The following GRID1 variants were observed in gnomAD, a reference collection of about 807,000 sequenced individuals.
The protein encoded by GRID1 is glutamate ionotropic receptor delta type subunit 1, also known as glutamate receptor ionotropic, delta-1.
GRID1 carries 28 observed loss-of-function variants against 98.0 expected under a neutral mutation model. That is an observed-to-expected ratio of 0.29 (90% CI 0.21 to 0.39). GRID1 has a LOEUF of 0.39. Among genes scored for constraint, GRID1 ranks in the 10% least tolerant of loss-of-function variants. The pLI is 1.00. For missense variants in GRID1, 1,111 were observed against 1,340.5 expected, an observed-to-expected ratio of 0.83 and a Z score of 2.67; for synonymous variants, 553 against 538.5, an observed-to-expected ratio of 1.03 and a Z score of -0.37.
chr10:85,618,946 A>G (rs1220211203), intron 14 of GRID1, among the ~76,000 whole-genome samples: 1 of 152,166 alleles, frequency 6.6e-6, no homozygotes, highest in Non-Finnish European at 1.5e-5. Context: ...TTAGTACTGA[A>G]ATTCATGCAT....
Position 85,856,009 on chromosome 10 carries a change from G to A in GRID1, c.1113+20C>T. 1.2e-6 allele frequency: 2 copies of A among 1,611,046 alleles called. No individual in the cohort carries two copies. Among genetic ancestry groups the A allele is most frequent in the Non-Finnish European group, 1.7e-6 (2 of 1,178,588 alleles). On this transcript the variant is annotated intron_variant, in intron 7 of 15. Transcript: ENST00000327946. ...AGGGGCCTGTCTTTGGCCAGGTTGG[G>A]GGTGCCCCCTCACACGTACCTTTTT...
At chr10:85,786,009 A>G (rs1157471603) in intron 8 of GRID1, among the ~76,000 whole-genome samples, 1 of 152,050 alleles carries the variant, frequency 6.6e-6, no homozygotes, top group Non-Finnish European at 1.5e-5. Context: ...CACATACTAT[A>G]CACATACACA....
At chr10:85,876,755 T>C (rs1843336292) in intron 5 of GRID1, among the ~76,000 whole-genome samples, 1 of 152,070 alleles carries the variant, frequency 6.6e-6, no homozygotes, top group Admixed American at 6.5e-5. Flanking sequence ...AGACAGTGGG[T>C]GCAGGACAGT....
At chr10:85,716,166 C>T (rs1841636809) in intron 12 of GRID1, among the ~76,000 whole-genome samples, 1 of 152,160 alleles carries the variant, frequency 6.6e-6, no homozygotes, top group Non-Finnish European at 1.5e-5. Flanking sequence ...CTCAGCCTCC[C>T]AAAGTGCTCG....
At chr10:86,313,979 T>A (rs2132090357) in intron 2 of GRID1, among the ~76,000 whole-genome samples, 1 of 152,364 alleles carries the variant, frequency 6.6e-6, no homozygotes, top group Non-Finnish European at 1.5e-5. Flanking sequence ...GGCTTCCTGC[T>A]AATCTAACCA....
intron 3 of GRID1, among the ~76,000 whole-genome samples, chr10:86,140,850 C>A (rs1589385594): frequency 6.6e-6 from 1 of 152,198 alleles, no homozygotes; most frequent in East Asian, 1.9e-4. Context: ...CTGCTTGTGT[C>A]TCAGGAGCCT....
intron 2 of GRID1, among the ~76,000 whole-genome samples, chr10:86,308,820 G>C (rs1024217433): frequency 5.3e-5 from 8 of 152,110 alleles, no homozygotes; most frequent in Non-Finnish European, 1.2e-4. Context: ...GAGAGCACGA[G>C]AGGGCCTACC....
At chr10:86,321,091 C>A (rs550844805) in intron 2 of GRID1, among the ~76,000 whole-genome samples, 1 of 135,382 alleles carries the variant, frequency 7.4e-6, no homozygotes, top group African/African-American at 2.8e-5. Flanking sequence ...CAGAGTGAGA[C>A]TCCATCTCAA....
intron 4 of GRID1, among the ~76,000 whole-genome samples, chr10:86,019,192 A>T (rs1843017479): frequency 6.6e-6 from 1 of 152,130 alleles, no homozygotes; most frequent in Non-Finnish European, 1.5e-5. Flanking sequence ...ACACAACCAG[A>T]CCAGTTTGGC....
chr10:85,632,813 CA>C (rs1842990749), intron 13 of GRID1, among the ~76,000 whole-genome samples: 1 of 152,214 alleles, frequency 6.6e-6, no homozygotes, highest in Non-Finnish European at 1.5e-5. Flanking sequence ...TGGTTTGCCA[CA>C]CCTATCAACC....
At chr10:86,028,300 A>G (rs1843142077) in intron 4 of GRID1, among the ~76,000 whole-genome samples, 1 of 152,106 alleles carries the variant, frequency 6.6e-6, no homozygotes, top group South Asian at 2.1e-4. Flanking sequence ...TTTGGGGGCA[A>G]CTCTACCCCT....
At chr10:86,110,872 C>A (rs1431913033) in intron 4 of GRID1, among the ~76,000 whole-genome samples, 3 of 152,220 alleles carry the variant, frequency 2.0e-5, no homozygotes, top group Non-Finnish European at 4.4e-5. Context: ...ATTCAGTAAA[C>A]AATTCTAAGA....
At chr10:86,348,013 TC>T (rs1398819465) in intron 2 of GRID1, among the ~76,000 whole-genome samples, 1 of 151,778 alleles carries the variant, frequency 6.6e-6, no homozygotes, top group African/African-American at 2.4e-5. Context: ...CTAGACAGGC[TC>T]CCCCAGGAAG....
chr10:86,037,800 G>A (rs181870063), intron 4 of GRID1, among the ~76,000 whole-genome samples: 89 of 152,206 alleles, frequency 5.8e-4, no homozygotes, highest in African/African-American at 2.0e-3. Flanking sequence ...TCGGGTGGGC[G>A]TGGGAAGCCC....
At chr10:86,168,330 C>A (rs182155227) in intron 3 of GRID1, among the ~76,000 whole-genome samples, 97 of 152,302 alleles carry the variant, frequency 6.4e-4, no homozygotes, top group Admixed American at 2.4e-3. Flanking sequence ...GTGTGTGGAG[C>A]CGAGGAGACA....
At chr10:85,782,228 G>GCACA (rs147841741) in intron 8 of GRID1, among the ~76,000 whole-genome samples, 4 of 149,540 alleles carry the variant, frequency 2.7e-5, no homozygotes, top group Non-Finnish European at 6.0e-5. Context: ...GAGTGCACAT[G>GCACA]CACACACACA....
intron 12 of GRID1, among the ~76,000 whole-genome samples, chr10:85,717,190 C>T (rs1264574632): frequency 1.3e-5 from 2 of 152,116 alleles, no homozygotes; most frequent in African/African-American, 2.4e-5. Flanking sequence ...GTAATCATTT[C>T]GTAGTGCACA....
intron 13 of GRID1, among the ~76,000 whole-genome samples, chr10:85,638,237 A>G (rs1262877946): frequency 6.6e-6 from 1 of 152,210 alleles, no homozygotes; most frequent in Admixed American, 6.5e-5. Flanking sequence ...CCATGCTCAT[A>G]GATTGGAAGA....
chr10:85,954,563 A>G lies in GRID1; in HGVS notation c.727-38324T>C, dbSNP rs79099784. Among the ~76,000 whole-genome samples the G allele has an allele frequency of 3.2e-3, 486 of 152,276 alleles. 3 individuals carry two copies. Among genetic ancestry groups the G allele is most frequent in the African/African-American group, 0.011 (468 of 41,592 alleles). ...AAAGGAATCATTATAAAAGGGCCAA[A>G]GATAGATGGCCCTTGATATATGTAA... On this transcript the variant is annotated intron_variant, in intron 4 of 15. Transcript: ENST00000327946.
Sources: allele counts gnomAD v4.1 joint callset (sites outside exome capture counted in the v4.1 genomes callset), GRCh38; gene constraint gnomAD v4.1.1; transcripts MANE v1.5; gene names NCBI Gene and HGNC (gene_info 2026-07-23, HGNC 2026-07-21).